The following CMIP variants were observed in gnomAD, a reference collection of about 807,000 sequenced individuals.
CMIP encodes the protein c-Maf inducing protein, also known as C-Maf-inducing protein.
Under a neutral mutation model 97.3 loss-of-function variants are expected in CMIP, and 13 were observed. That is an observed-to-expected ratio of 0.13 (90% confidence interval 0.09 to 0.21). The LOEUF is 0.21. Ranked by LOEUF, CMIP falls within the 10% of genes least tolerant of loss-of-function variation. CMIP has a pLI of 1.00. For synonymous variants in CMIP, 538 were observed against 436.3 expected (o/e 1.23, Z -2.91); for missense variants, 847 against 1,024.9 (o/e 0.83, Z 2.37).
At chr16:81,642,002 A>G (rs1283387443) in intron 3 of CMIP, among the ~76,000 whole-genome samples, 5 of 152,232 alleles carry the variant, frequency 3.3e-5, no homozygotes, top group Admixed American at 2.0e-4. Flanking sequence ...TGGGACTTAC[A>G]TTATACCACT....
intron 1 of CMIP, among the ~76,000 whole-genome samples, chr16:81,535,716 G>A (rs2090329780): frequency 1.3e-5 from 2 of 152,060 alleles, no homozygotes; most frequent in Non-Finnish European, 2.9e-5. Flanking sequence ...AGTTGCCCTT[G>A]AGTGTTCAGA....
chr16:81,508,752 G>C (rs1242155591), intron 1 of CMIP, among the ~76,000 whole-genome samples: 2 of 152,238 alleles, frequency 1.3e-5, no homozygotes, highest in Non-Finnish European at 2.9e-5. Flanking sequence ...GACAGCTCCT[G>C]CAGGCCTGGG....
At chr16:81,620,614 G>T in intron 2 of CMIP, 1 of 436,462 alleles carries the variant, frequency 2.3e-6, no homozygotes, top group Non-Finnish European at 4.2e-6. Context: ...AGTCAGCAGT[G>T]TCTGAAGTCA....
intron 8 of CMIP, 136 bp downstream of exon 8, chr16:81,670,381 C>T: frequency 1.1e-6 from 1 of 896,776 alleles, no homozygotes; most frequent in South Asian, 1.6e-5. Context: ...TAGCCTACTG[C>T]ACGGTGCCCG....
At chr16:81,601,668 T>C (rs994099707) in intron 1 of CMIP, among the ~76,000 whole-genome samples, 17 of 152,190 alleles carry the variant, frequency 1.1e-4, no homozygotes, top group Non-Finnish European at 2.2e-4. Context: ...ACTAGCTCCA[T>C]ATCTGTCCCC....
At chr16:81,573,222 TAA>T (rs1039833304) in intron 1 of CMIP, among the ~76,000 whole-genome samples, 1 of 151,930 alleles carries the variant, frequency 6.6e-6, no homozygotes, top group Non-Finnish European at 1.5e-5. Context: ...CGGGCACCTG[TAA>T]TACCAACTGT....
intron 1 of CMIP, among the ~76,000 whole-genome samples, chr16:81,541,833 C>G (rs930931007): frequency 6.6e-6 from 1 of 152,096 alleles, no homozygotes; most frequent in Admixed American, 6.5e-5. Flanking sequence ...TGAAAACGAC[C>G]CAGAGGCCGT....
chr16:81,554,642 A>G, intron 1 of CMIP, among the ~76,000 whole-genome samples: 1 of 151,768 alleles, frequency 6.6e-6, no homozygotes, highest in East Asian at 1.9e-4. Context: ...TCACTTTCTC[A>G]TTTTCTTCAT....
intron 1 of CMIP, among the ~76,000 whole-genome samples, chr16:81,509,297 G>A (rs966872813): frequency 1.3e-5 from 2 of 152,192 alleles, no homozygotes; most frequent in African/African-American, 2.4e-5. Context: ...CCCAGCTGGA[G>A]AGCCCACCGG....
intron 1 of CMIP, among the ~76,000 whole-genome samples, chr16:81,594,122 C>T (rs369730755): frequency 7.3e-6 from 1 of 137,410 alleles, no homozygotes; most frequent in Non-Finnish European, 1.6e-5. Flanking sequence ...ATTCTCCCCC[C>T]TCCTCCCTTT....
intron 3 of CMIP, among the ~76,000 whole-genome samples, chr16:81,635,485 A>C (rs2092222470): frequency 6.6e-6 from 1 of 152,188 alleles, no homozygotes; most frequent in Non-Finnish European, 1.5e-5. Flanking sequence ...CTGGAGTGAC[A>C]CCCACCAGGT....
At chr16:81,549,258 G>A (rs1365445167) in intron 1 of CMIP, among the ~76,000 whole-genome samples, 1 of 152,196 alleles carries the variant, frequency 6.6e-6, no homozygotes, top group African/African-American at 2.4e-5. Flanking sequence ...GGAGCCATTT[G>A]TATTTCTTAG....
At chr16:81,569,983 C>G (rs1199652874) in intron 1 of CMIP, among the ~76,000 whole-genome samples, 1 of 150,752 alleles carries the variant, frequency 6.6e-6, no homozygotes, top group African/African-American at 2.5e-5. Context: ...ATTCAGCTTT[C>G]ACTAACTTCT....
intron 10 of CMIP, among the ~76,000 whole-genome samples, chr16:81,685,770 C>T (rs1597248683): frequency 6.6e-6 from 1 of 150,472 alleles, no homozygotes; most frequent in Middle Eastern, 3.4e-3. Flanking sequence ...CTTTATGTTG[C>T]CCAAGCCAGT....
chr16:81,672,486 T>A (rs567855957), intron 9 of CMIP, among the ~76,000 whole-genome samples: 48 of 152,344 alleles, frequency 3.2e-4, no homozygotes, highest in Admixed American at 1.4e-3. Context: ...TATGTGCCCG[T>A]GTGTTGGGGA....
chr16:81,444,967 T>G lies in CMIP; in HGVS notation c.-275T>G. 1.7e-5 allele frequency among the ~76,000 whole-genome samples: 2 copies of G among 116,364 alleles called. No individual in the cohort carries two copies. Among genetic ancestry groups the G allele is most frequent in the South Asian group, 3.0e-4 (1 of 3,308 alleles). The allele number at this position is 116,364 out of a possible 152,430, so 76.3% of individuals were successfully genotyped here. A position where few individuals can be genotyped will look rare whatever the true frequency, so the allele number is the denominator to read the frequency against. Reference sequence around the variant, plus strand: ...CCTCGGCCTCCCCCGCCCCTCCCCGTCGCCCGCCGAGCCCGGTCAGCCGCC... The same window carrying G: ...CCTCGGCCTCCCCCGCCCCTCCCCGGCGCCCGCCGAGCCCGGTCAGCCGCC... On this transcript the variant is annotated 5_prime_UTR_variant, in exon 1 of 21. Coordinates refer to ENST00000537098, the MANE Select transcript of CMIP (RefSeq NM_198390.3).
chr16:81,669,554 T>TC (rs2092658582), intron 7 of CMIP, among the ~76,000 whole-genome samples: 1 of 90,958 alleles, frequency 1.1e-5, no homozygotes. Flanking sequence ...CCACACCCAC[T>TC]TCATACTTCC....
chr16:81,698,342 C>G (rs1906997509), intron 14 of CMIP, among the ~76,000 whole-genome samples: 1 of 152,192 alleles, frequency 6.6e-6, no homozygotes, highest in Admixed American at 6.5e-5. Flanking sequence ...TGCACCAGAA[C>G]AAAAGACCGC....
intron 8 of CMIP, among the ~76,000 whole-genome samples, chr16:81,671,118 T>C (rs528876305): frequency 9.8e-4 from 149 of 152,316 alleles, no homozygotes; most frequent in African/African-American, 3.5e-3. Context: ...CGTGAACTGC[T>C]GCCCCCAGAC....
Sources: gnomAD v4.1 joint callset for allele counts (sites outside exome capture counted in the v4.1 genomes callset) on GRCh38, gnomAD v4.1.1 for gene constraint, MANE v1.5 for transcripts, NCBI Gene and HGNC (gene_info 2026-07-23, HGNC 2026-07-21) for gene names.